The following INSR variants were observed in gnomAD, a reference collection of about 807,000 sequenced individuals.
INSR encodes the protein IR.
INSR carries 67 observed loss-of-function variants against 142.6 expected under a neutral mutation model. The observed-to-expected ratio is 0.47, with a 90% confidence interval of 0.39 to 0.58. The LOEUF is 0.58. Ranked by LOEUF, INSR falls within the 20% of genes least tolerant of loss-of-function variation. INSR has a pLI of 0.00. For synonymous variants in INSR, 756 were observed against 743.1 expected (o/e 1.02, Z -0.28); for missense variants, 1,248 against 1,833.2 (o/e 0.68, Z 5.83).
chr19:7,247,750 G>T (rs1458040432), intron 2 of INSR, among the ~76,000 whole-genome samples: 2 of 152,182 alleles, frequency 1.3e-5, no homozygotes, highest in Non-Finnish European at 2.9e-5. Flanking sequence ...TTCAAATGCA[G>T]GCCTGTCTGA....
intron 10 of INSR, among the ~76,000 whole-genome samples, chr19:7,151,544 C>G (rs1973361335): frequency 6.6e-6 from 1 of 151,686 alleles, no homozygotes; most frequent in African/African-American, 2.4e-5. Flanking sequence ...CTTCGGCCTC[C>G]CAAAGTGCTG....
In INSR at chr19:7,166,724, A is replaced by C. The variant is rs1973899494; in HGVS notation, c.1611-320T>G. 6.6e-6 allele frequency among the ~76,000 whole-genome samples: 1 copy of C among 152,146 alleles called. No individual in the cohort carries two copies. Among genetic ancestry groups the C allele is most frequent in the Non-Finnish European group, 1.5e-5 (1 of 68,024 alleles). On this transcript the variant is annotated intron_variant, in intron 7 of 21. Transcript: ENST00000302850. The surrounding 1 kb of genome is among the most constrained non-coding windows in gnomAD (Gnocchi z 4.1). ...CACCAGAAGTCAGGAGTTCGAGACC[A>C]GCCTGGCCAACATGGTGAAACCCCG...
At chr19:7,205,345 A>C (rs961469028) in intron 2 of INSR, among the ~76,000 whole-genome samples, 1 of 152,230 alleles carries the variant, frequency 6.6e-6, no homozygotes, top group African/African-American at 2.4e-5. Context: ...CCGGGTTGTT[A>C]ATTTCCTCAG....
At chr19:7,268,605 A>T in intron 1 of INSR, 1 of 985,292 alleles carries the variant, frequency 1.0e-6, no homozygotes, top group Non-Finnish European at 1.2e-6. Context: ...ACTCTTGCAC[A>T]ACTCCAAGAC....
At chr19:7,220,480 G>C (rs917561810) in intron 2 of INSR, among the ~76,000 whole-genome samples, 1 of 152,114 alleles carries the variant, frequency 6.6e-6, no homozygotes, top group Non-Finnish European at 1.5e-5. Context: ...GTAGAGACGG[G>C]GTTTCGCCAT....
chr19:7,169,404 T>C (rs920240846), intron 6 of INSR, among the ~76,000 whole-genome samples: 1 of 142,108 alleles, frequency 7.0e-6, no homozygotes, highest in African/African-American at 2.9e-5. Context: ...ACCCTGTCTC[T>C]ACTAAAAATA....
At chr19:7,158,065 ATTATTATT>A (rs1404884710) in intron 9 of INSR, among the ~76,000 whole-genome samples, 1 of 140,108 alleles carries the variant, frequency 7.1e-6, no homozygotes, top group Admixed American at 7.1e-5. Flanking sequence ...TATTATTATT[ATTATTATT>A]ATTATTATTA....
chr19:7,236,589 C>A (rs2145138945), intron 2 of INSR, among the ~76,000 whole-genome samples: 1 of 152,304 alleles, frequency 6.6e-6, no homozygotes, highest in South Asian at 2.1e-4. Context: ...TGGCCAGGCA[C>A]CATGGCTCAC....
intron 2 of INSR, among the ~76,000 whole-genome samples, chr19:7,248,325 AT>A (rs1013791567): frequency 7.0e-6 from 1 of 141,888 alleles, no homozygotes; most frequent in Non-Finnish European, 1.5e-5. Context: ...TTGCAAAAAT[AT>A]TTTTTAAAAA....
intron 2 of INSR, among the ~76,000 whole-genome samples, chr19:7,204,553 C>T (rs1431402461): frequency 6.6e-6 from 1 of 152,136 alleles, no homozygotes; most frequent in Non-Finnish European, 1.5e-5. Flanking sequence ...TTGATTTCAA[C>T]AAAAGAAAGG....
At chr19:7,229,332 A>ATGGATGGATGGATG (rs1568204425) in intron 2 of INSR, among the ~76,000 whole-genome samples, 3 of 81,902 alleles carry the variant, frequency 3.7e-5, no homozygotes, top group Admixed American at 1.4e-4. Flanking sequence ...ATGGATGGAT[A>ATGGATGGATGGATG]GATGGATGGA....
intron 2 of INSR, among the ~76,000 whole-genome samples, chr19:7,243,914 G>A (rs1193739308): frequency 1.3e-5 from 2 of 152,154 alleles, no homozygotes; most frequent in African/African-American, 2.4e-5. Context: ...AATATTTAAT[G>A]TTAGTCTAGA....
chr19:7,291,425 G>A (rs563358586), intron 1 of INSR, among the ~76,000 whole-genome samples: 7 of 152,332 alleles, frequency 4.6e-5, no homozygotes, highest in South Asian at 2.1e-4. Context: ...CCTGCTGAGA[G>A]CTTGCTCTTC....
At chr19:7,164,485 A>G (rs1973841357) in intron 8 of INSR, among the ~76,000 whole-genome samples, 1 of 151,726 alleles carries the variant, frequency 6.6e-6, no homozygotes, top group Non-Finnish European at 1.5e-5. Context: ...GGAGTTCCAG[A>G]GCAGCCTGGC....
At chr19:7,218,870 C>T (rs1175802588) in intron 2 of INSR, among the ~76,000 whole-genome samples, 1 of 152,056 alleles carries the variant, frequency 6.6e-6, no homozygotes, top group Non-Finnish European at 1.5e-5. Context: ...CAAAGATAAT[C>T]TGAGGAAATC....
At position 7,185,284 on chromosome 19, in the gene INSR, A is replaced by G. The variant is rs1974396964; in HGVS notation, c.653-647T>C. 2.6e-5 allele frequency among the ~76,000 whole-genome samples: 4 copies of G among 152,316 alleles called. No individual in the cohort carries two copies. The South Asian group carries it at 8.3e-4, about 32-fold the overall frequency. On this transcript the variant is annotated intron_variant, in intron 2 of 21. Transcript: ENST00000302850. ...TCACAAATTGCCTGAAAATTTCACC[A>G]CTGGCTCCAGCAAGCCAACTCCAGC...
In INSR at chr19:7,153,206, CCACACACCA is replaced by C. The variant is rs1568449611; in HGVS notation, c.2030-288_2030-280del. Among the ~76,000 whole-genome samples, 27 of 77,164 alleles carry C rather than the reference CCACACACCA, an allele frequency of 3.5e-4. 1 individual carries two copies. In the South Asian group the frequency reaches 4.3e-3, roughly 12 times the overall value. 50.6% of individuals were successfully genotyped at this position (77,164 alleles called of 152,430 possible). A position where few individuals can be genotyped will look rare whatever the true frequency, so the allele number is the denominator to read the frequency against. On this transcript the variant is annotated intron_variant, in intron 9 of 21. Coordinates refer to ENST00000302850, the MANE Select transcript of INSR (RefSeq NM_000208.4). ...CACAACCACACACACACCACACACA[CCACACACCA>C]CACACACGCACCACACACACACCAT...
At chr19:7,188,164 T>C (rs1232585190) in intron 2 of INSR, among the ~76,000 whole-genome samples, 1 of 152,130 alleles carries the variant, frequency 6.6e-6, no homozygotes, top group Non-Finnish European at 1.5e-5. Context: ...CTTCCCTGAC[T>C]TCCCCAGCAG....
In INSR at chr19:7,174,617, G is replaced by A; in HGVS notation, c.1089C>T (p.Ile363=). Residue 363 remains isoleucine (I), a synonymous_variant, in exon 4 of 22, where the codon ATC becomes ATT. Transcript: ENST00000302850. The part of the protein sequence containing the change: ...SAQELRGCTV[I]NGSLIINIRG... ...GAATGTTGATGATCAGACTCCCGTT[G>A]ATGACGGTGCATCCTCGGAGCTCCT... 1.2e-6 allele frequency: 2 copies of A among 1,614,098 alleles called. No homozygotes were observed. The highest frequency in any genetic ancestry group is 1.7e-6 in the Non-Finnish European group (2 of 1,180,018).
Sources: gnomAD v4.1 joint callset for allele counts (sites outside exome capture counted in the v4.1 genomes callset) on GRCh38, gnomAD v4.1.1 for gene constraint, Gnocchi (gnomAD v3.1) non-coding constraint, MANE v1.5 for transcripts, NCBI Gene and HGNC (gene_info 2026-07-23, HGNC 2026-07-21) for gene names.